Variants in NXPE2 observed in about 807,000 individuals in gnomAD.
NXPE2 encodes neurexophilin and PC-esterase domain family member 2, also known as NXPE family member 2.
A neutral mutation model predicts 34.4 loss-of-function variants in NXPE2; 34 were observed. The ratio of observed to expected loss-of-function variants is 0.99; its 90% CI spans 0.75 to 1.31. NXPE2 has a LOEUF of 1.31. Among genes scored for constraint, NXPE2 ranks in the 40% most tolerant of loss-of-function variants. NXPE2 has a pLI of 0.00. For missense variants in NXPE2, 649 were observed against 672.5 expected, an observed-to-expected ratio of 0.97 and a Z score of 0.39; for synonymous variants, 235 against 231.3, an observed-to-expected ratio of 1.02 and a Z score of -0.15.
At chr11:114,660,678 C>T in the NXPE2 span, among the ~76,000 whole-genome samples, 5 of 151,978 alleles carry the variant, frequency 3.3e-5, no homozygotes, top group African/African-American at 4.8e-5. Context: ...AGACTGAATG[C>T]TTTGCCCCAA....
At chr11:114,755,326 CTCT>C in the NXPE2 span, among the ~76,000 whole-genome samples, 21 of 152,188 alleles carry the variant, frequency 1.4e-4, no homozygotes, top group Admixed American at 2.6e-4. Context: ...GAACTACTTC[CTCT>C]GTGAACTACC....
chr11:114,699,889 G>A (rs1048528375), intron 3 of NXPE2, among the ~76,000 whole-genome samples: 1 of 151,614 alleles, frequency 6.6e-6, no homozygotes, highest in Non-Finnish European at 1.5e-5. Context: ...CGCCTCCTGG[G>A]TACAAGCAAT....
chr11:114,649,368 T>C, the NXPE2 span, among the ~76,000 whole-genome samples: 2 of 152,156 alleles, frequency 1.3e-5, no homozygotes, highest in African/African-American at 4.8e-5. Context: ...AGACACAATG[T>C]GGCATATGAA....
chr11:114,670,278 T>TA, the NXPE2 span, among the ~76,000 whole-genome samples: 1 of 152,018 alleles, frequency 6.6e-6, no homozygotes, highest in Admixed American at 6.6e-5. Context: ...AGAGCCTTGA[T>TA]AAAATCACTG....
chr11:114,797,332 G>A, the NXPE2 span, among the ~76,000 whole-genome samples: 2 of 152,194 alleles, frequency 1.3e-5, no homozygotes, highest in Admixed American at 1.3e-4. Context: ...AGAGTTTAGT[G>A]GAAACCAGGA....
chr11:114,735,679 T>G, the NXPE2 span, among the ~76,000 whole-genome samples: 6 of 152,188 alleles, frequency 3.9e-5, no homozygotes, highest in African/African-American at 1.4e-4. Context: ...TGTAAAAAAC[T>G]TCTAGCTTAA....
the NXPE2 span, among the ~76,000 whole-genome samples, chr11:114,776,025 C>T: frequency 3.3e-5 from 5 of 152,190 alleles, no homozygotes; most frequent in African/African-American, 1.2e-4. Context: ...CTGCTATGAC[C>T]CAAACACCTC....
chr11:114,481,655 T>C, the NXPE2 span, among the ~76,000 whole-genome samples: 1 of 152,170 alleles, frequency 6.6e-6, no homozygotes, highest in Non-Finnish European at 1.5e-5. Flanking sequence ...TTAAAAACCT[T>C]TGGGAAGTAG....
the NXPE2 span, among the ~76,000 whole-genome samples, chr11:114,671,056 T>A: frequency 6.8e-6 from 1 of 147,782 alleles, no homozygotes; most frequent in Non-Finnish European, 1.5e-5. Context: ...TATAAAAATA[T>A]AAATATATAC....
At chr11:114,812,089 G>C in the NXPE2 span, among the ~76,000 whole-genome samples, 1 of 152,196 alleles carries the variant, frequency 6.6e-6, no homozygotes, top group Non-Finnish European at 1.5e-5. Flanking sequence ...TTAGCGTTGA[G>C]AGCAAATTGA....
chr11:114,468,775 T>C, the NXPE2 span, among the ~76,000 whole-genome samples: 1 of 152,208 alleles, frequency 6.6e-6, no homozygotes, highest in Non-Finnish European at 1.5e-5. Flanking sequence ...TATTTAATCT[T>C]CATAGCAACC....
Position 114,698,156 on chromosome 11 carries a change from C to T in NXPE2, c.244C>T (p.Leu82Phe). 1 of 1,614,158 alleles carries T rather than the reference C, an allele frequency of 6.2e-7. No homozygotes were observed. Among genetic ancestry groups the T allele is most frequent in the African/African-American group, 1.3e-5 (1 of 75,052 alleles). ...CPAVSPKETE[L>F]RIKDIMEKLD... ...AGCAGTTTCACCAAAAGAGACTGAA[C>T]TTAGAATAAAGGACATTATGGAGAA... Residue 82 changes from leucine (L) to phenylalanine (F), a missense_variant, in exon 3 of 6, where the codon CTT (leucine) becomes TTT (phenylalanine). Physicochemically the swap from Leu to Phe is conservative, Grantham distance 22 (BLOSUM62 0). Transcript: ENST00000389586.
At chr11:114,803,786 G>T in the NXPE2 span, among the ~76,000 whole-genome samples, 1 of 151,914 alleles carries the variant, frequency 6.6e-6, no homozygotes, top group Admixed American at 6.6e-5. Flanking sequence ...CACCATGTTG[G>T]CCAGGATGGT....
At chr11:114,557,083 G>A in the NXPE2 span, among the ~76,000 whole-genome samples, 4 of 151,742 alleles carry the variant, frequency 2.6e-5, no homozygotes, top group South Asian at 2.1e-4. Context: ...TAGTAGAGAC[G>A]GGGTTTCACC....
chr11:114,804,369 T>C, the NXPE2 span, among the ~76,000 whole-genome samples: 1 of 152,242 alleles, frequency 6.6e-6, no homozygotes, highest in Non-Finnish European at 1.5e-5. Flanking sequence ...AGCTAGATTC[T>C]ATGGTCTGCA....
chr11:114,719,819 T>G, the NXPE2 span, among the ~76,000 whole-genome samples: 1 of 152,158 alleles, frequency 6.6e-6, no homozygotes, highest in Non-Finnish European at 1.5e-5. Context: ...CTTTGGCTAG[T>G]GTACAGGGCC....
chr11:114,675,050 A>G (rs1474308694), upstream of NXPE2, among the ~76,000 whole-genome samples: 2 of 151,858 alleles, frequency 1.3e-5, no homozygotes, highest in Non-Finnish European at 2.9e-5. Context: ...CAGGATAAAA[A>G]TCATATCATC....
At chr11:114,640,522 G>A in the NXPE2 span, among the ~76,000 whole-genome samples, 7 of 151,654 alleles carry the variant, frequency 4.6e-5, no homozygotes, top group African/African-American at 1.7e-4. Flanking sequence ...AGTTCTTTGA[G>A]AAACCTCCAT....
At chr11:114,603,735 C>A in the NXPE2 span, among the ~76,000 whole-genome samples, 1 of 151,142 alleles carries the variant, frequency 6.6e-6, no homozygotes, top group Non-Finnish European at 1.5e-5. Flanking sequence ...ACTCCTATTA[C>A]CCAGTGGATG....
Sources: gnomAD v4.1 joint callset for allele counts (sites outside exome capture counted in the v4.1 genomes callset) on GRCh38, gnomAD v4.1.1 for gene constraint, MANE v1.5 for transcripts, NCBI Gene and HGNC (gene_info 2026-07-23, HGNC 2026-07-21) for gene names.